RPS6KA2: variants seen among roughly 807,000 people sequenced by gnomAD.
The protein encoded by RPS6KA2 is ribosomal protein S6 kinase A2.
RPS6KA2 carries 42 observed loss-of-function variants against 91.8 expected under a neutral mutation model. The observed-to-expected ratio is 0.46, with a 90% CI of 0.36 to 0.59. The LOEUF (loss-of-function observed/expected upper bound fraction) is 0.59, where lower values mean the gene tolerates loss of function less well. Ranked by LOEUF, RPS6KA2 falls within the 20% of genes least tolerant of loss-of-function variation. The pLI is 0.00. For missense variants in RPS6KA2, 798 were observed against 978.5 expected, an observed-to-expected ratio of 0.82 and a Z score of 2.46; for synonymous variants, 414 against 393.6, an observed-to-expected ratio of 1.05 and a Z score of -0.61.
At chr6:166,722,492 C>A (rs538911614) in intron 2 of RPS6KA2, among the ~76,000 whole-genome samples, 10 of 152,336 alleles carry the variant, frequency 6.6e-5, no homozygotes, top group South Asian at 2.1e-4. Context: ...CCGTGGCCCA[C>A]GCCACGTGGA....
chr6:166,730,859 T>C (rs1436727039), intron 2 of RPS6KA2, among the ~76,000 whole-genome samples: 1 of 152,196 alleles, frequency 6.6e-6, no homozygotes, highest in Non-Finnish European at 1.5e-5. Flanking sequence ...GAAGAATCTG[T>C]AGTATCCGGG....
chr6:166,575,954 T>G (rs745569204), intron 1 of RPS6KA2, among the ~76,000 whole-genome samples: 1 of 152,262 alleles, frequency 6.6e-6, no homozygotes, highest in East Asian at 1.9e-4. Flanking sequence ...TGAATTGTAC[T>G]CCCATAATTC....
At chr6:166,652,525 C>T (rs903318888) in intron 2 of RPS6KA2, among the ~76,000 whole-genome samples, 4 of 152,102 alleles carry the variant, frequency 2.6e-5, no homozygotes, top group African/African-American at 7.2e-5. Flanking sequence ...GAACTGGACA[C>T]GTTTCTTGAC....
At chr6:166,619,870 C>T (rs1284703724) in intron 1 of RPS6KA2, among the ~76,000 whole-genome samples, 2 of 152,198 alleles carry the variant, frequency 1.3e-5, no homozygotes, top group Non-Finnish European at 2.9e-5. Context: ...AAAATTGGGA[C>T]CTGTGCGAGC....
intron 3 of RPS6KA2, among the ~76,000 whole-genome samples, chr6:166,522,170 A>G (rs945907486): frequency 2.6e-5 from 4 of 152,256 alleles, no homozygotes; most frequent in African/African-American, 9.6e-5. Context: ...TAAGACACGT[A>G]TCGTATCATA....
intron 2 of RPS6KA2, among the ~76,000 whole-genome samples, chr6:166,787,184 G>A (rs997879928): frequency 1.3e-5 from 2 of 152,130 alleles, no homozygotes; most frequent in African/African-American, 4.8e-5. Context: ...GATAAAGACT[G>A]ATGTATGTGG....
chr6:166,443,864 A>G (rs950665989), intron 14 of RPS6KA2, among the ~76,000 whole-genome samples: 9 of 152,142 alleles, frequency 5.9e-5, no homozygotes, highest in Non-Finnish European at 7.3e-5. Context: ...TAACTTTTTA[A>G]ATATTTCTAG....
intron 5 of RPS6KA2, among the ~76,000 whole-genome samples, chr6:166,506,687 C>A (rs1030765241): frequency 6.6e-6 from 1 of 152,146 alleles, no homozygotes; most frequent in African/African-American, 2.4e-5. Flanking sequence ...GTCTCTGGGA[C>A]CCTTTGCGCC....
chr6:166,419,784 C>T lies in RPS6KA2; in HGVS notation c.1820+98G>A. Reference sequence around the variant, plus strand: ...TACACGTTGGGTTTGCCCACATGCGCACACTAGGACAGGGCTGGCCCTGGT... The same window carrying T: ...TACACGTTGGGTTTGCCCACATGCGTACACTAGGACAGGGCTGGCCCTGGT... On this transcript the variant is annotated intron_variant, in intron 18 of 20. Coordinates refer to ENST00000265678, the MANE Select transcript of RPS6KA2 (RefSeq NM_021135.6). The surrounding 1 kb of genome is among the most constrained non-coding windows in gnomAD (Gnocchi z 5.6). 9.1e-7 allele frequency: 1 copy of T among 1,096,430 alleles called. No individual in the cohort carries two copies. The highest frequency in any genetic ancestry group is 1.5e-5 in the African/African-American group (1 of 65,016). 67.9% of individuals were successfully genotyped at this position (1,096,430 alleles called of 1,614,324 possible).
rs754839850 is a variant in RPS6KA2 at position 166,423,248 on chromosome 6, A to G, written c.1743+8T>C. 11 of 1,603,720 alleles carry G rather than the reference A, an allele frequency of 6.9e-6. No individual in the cohort carries two copies. In the Middle Eastern group the frequency reaches 8.3e-4, roughly 121 times the overall value. ...AGAGGCCTGGGTCTGCAGTCGGGGA[A>G]TGCTCACCTCCGGGGCCACGAAATT... On this transcript the variant is annotated splice_region_variant and intron_variant, in intron 17 of 20. Coordinates refer to ENST00000265678, the MANE Select transcript of RPS6KA2 (RefSeq NM_021135.6). This position sits in a 1 kb window ranked among gnomAD's most constrained non-coding sequence, Gnocchi z 4.8.
chr6:166,621,029 A>C lies in RPS6KA2; in HGVS notation c.99+5892T>G, dbSNP rs536319715. Among the ~76,000 whole-genome samples, 4 of 152,296 alleles carry C rather than the reference A, an allele frequency of 2.6e-5. No individual in the cohort carries two copies. The East Asian group carries it at 5.8e-4, about 22-fold the overall frequency. On this transcript the variant is annotated intron_variant, in intron 1 of 20. Coordinates refer to ENST00000265678, the MANE Select transcript of RPS6KA2 (RefSeq NM_021135.6). ...CCTCCACGGGGCAAGGCAAGGGCAA[A>C]CCACCCAGCCTGGGGAGCTTTGCAC...
intron 10 of RPS6KA2, among the ~76,000 whole-genome samples, chr6:166,479,667 T>G (rs920528190): frequency 6.6e-6 from 1 of 152,138 alleles, no homozygotes; most frequent in Admixed American, 6.5e-5. Flanking sequence ...AAAAACTGGG[T>G]TTTCAATCAT....
chr6:166,526,427 C>G (rs1422393843), intron 3 of RPS6KA2, among the ~76,000 whole-genome samples: 3 of 146,296 alleles, frequency 2.1e-5, no homozygotes, highest in East Asian at 4.2e-4. Flanking sequence ...CTCACTGAAG[C>G]CTTGAGATCT....
At chr6:166,664,464 T>C (rs964387751) in intron 2 of RPS6KA2, among the ~76,000 whole-genome samples, 5 of 152,224 alleles carry the variant, frequency 3.3e-5, no homozygotes, top group Non-Finnish European at 2.9e-5. Context: ...CTTCAGAAGA[T>C]ATTTTAAGGG....
At chr6:166,760,893 CT>C (rs768194867) in intron 2 of RPS6KA2, among the ~76,000 whole-genome samples, 34 of 152,196 alleles carry the variant, frequency 2.2e-4, no homozygotes, top group Non-Finnish European at 4.4e-4. Flanking sequence ...GGACTTGGTA[CT>C]TTTGAAAGTG....
chr6:166,462,077 G>C (rs371510317), intron 11 of RPS6KA2, among the ~76,000 whole-genome samples: 1 of 152,214 alleles, frequency 6.6e-6, no homozygotes, highest in East Asian at 1.9e-4. Flanking sequence ...CATCGCGCAG[G>C]TGCCACCCAG....
At chr6:166,800,369 C>A (rs953998809) in intron 2 of RPS6KA2, among the ~76,000 whole-genome samples, 1 of 152,232 alleles carries the variant, frequency 6.6e-6, no homozygotes, top group African/African-American at 2.4e-5. Context: ...GCATTCTGGC[C>A]TCCTGCCACA....
At chr6:166,438,549 G>A (rs535751783) in intron 14 of RPS6KA2, among the ~76,000 whole-genome samples, 26 of 152,320 alleles carry the variant, frequency 1.7e-4, no homozygotes, top group South Asian at 1.7e-3. Context: ...ATTTGCTACC[G>A]AAAAGGGAGA....
intron 2 of RPS6KA2, among the ~76,000 whole-genome samples, chr6:166,682,155 C>G (rs1007873120): frequency 6.6e-6 from 1 of 152,176 alleles, no homozygotes; most frequent in Admixed American, 6.5e-5. Flanking sequence ...GAATAAACTT[C>G]CGCTTGAAAA....
Sources: gnomAD v4.1 joint callset for allele counts (sites outside exome capture counted in the v4.1 genomes callset) on GRCh38, gnomAD v4.1.1 for gene constraint, Gnocchi (gnomAD v3.1) non-coding constraint, MANE v1.5 for transcripts, NCBI Gene and HGNC (gene_info 2026-07-23, HGNC 2026-07-21) for gene names.